Variants in FHIT observed in about 807,000 individuals in gnomAD.
FHIT encodes bis(5'-adenosyl)-triphosphatase.
FHIT carries 19 observed loss-of-function variants against 17.9 expected under a neutral mutation model. That is an observed-to-expected ratio of 1.06 (90% CI 0.74 to 1.56). The LOEUF (loss-of-function observed/expected upper bound fraction) is 1.56, where lower values mean the gene tolerates loss of function less well. Among genes scored for constraint, FHIT ranks in the 40% most tolerant of loss-of-function variants. The pLI, the probability that FHIT is intolerant of heterozygous loss-of-function variation, is 0.00. For missense variants in FHIT, 248 were observed against 189.2 expected (o/e 1.31, Z -1.82); for synonymous variants, 81 against 69.7 (o/e 1.16, Z -0.81).
chr3:60,246,587 G>A (rs190907678), intron 5 of FHIT, among the ~76,000 whole-genome samples: 2 of 152,218 alleles, frequency 1.3e-5, no homozygotes, highest in African/African-American at 2.4e-5. Context: ...ACACAGATCC[G>A]ACCTGCAGAA....
chr3:59,791,121 G>C (rs1393437855), intron 8 of FHIT, among the ~76,000 whole-genome samples: 1 of 152,130 alleles, frequency 6.6e-6, no homozygotes, highest in Non-Finnish European at 1.5e-5. Context: ...ACTCTTTCAT[G>C]TGGGTAATTA....
chr3:61,053,644 A>G (rs1462675500), intron 2 of FHIT, among the ~76,000 whole-genome samples: 1 of 146,820 alleles, frequency 6.8e-6, no homozygotes, highest in African/African-American at 2.4e-5. Flanking sequence ...CTGGGCAACA[A>G]GAGCAAAACT....
At chr3:60,238,610 A>G (rs1704942588) in intron 5 of FHIT, among the ~76,000 whole-genome samples, 1 of 152,164 alleles carries the variant, frequency 6.6e-6, no homozygotes, top group Admixed American at 6.5e-5. Context: ...TTTAAAGATT[A>G]CTGAATATGT....
At chr3:59,781,744 T>C (rs1702593649) in intron 8 of FHIT, among the ~76,000 whole-genome samples, 1 of 152,198 alleles carries the variant, frequency 6.6e-6, no homozygotes, top group South Asian at 2.1e-4. Context: ...AACCACGACA[T>C]TTTTTTATCT....
intron 3 of FHIT, among the ~76,000 whole-genome samples, chr3:60,942,262 C>T (rs1553774730): frequency 6.6e-6 from 1 of 152,032 alleles, no homozygotes; most frequent in Non-Finnish European, 1.5e-5. Flanking sequence ...ATGTTAGCAC[C>T]AGCATAATTA....
Position 59,990,256 on chromosome 3 carries a change from G to C in FHIT, c.279+21115C>G, listed in dbSNP as rs185640606. 1.0e-3 allele frequency among the ~76,000 whole-genome samples: 152 copies of C among 152,102 alleles called. 1 individual carries two copies. Among genetic ancestry groups the C allele is most frequent in the Non-Finnish European group, 1.8e-3 (125 of 67,958 alleles). ...CCAGTGAGATCTGTGTTTGCTCACAGGGCACTATTTGGCATGATGAGAGTG... is the reference window on the plus strand; with the variant it reads ...CCAGTGAGATCTGTGTTTGCTCACACGGCACTATTTGGCATGATGAGAGTG... On this transcript the variant is annotated intron_variant, in intron 7 of 9. Coordinates refer to ENST00000492590, the MANE Select transcript of FHIT (RefSeq NM_002012.4).
chr3:59,750,017 A>C (rs1178055235), intron 9 of FHIT: 4 of 223,296 alleles, frequency 1.8e-5, no homozygotes, highest in African/African-American at 8.9e-5. Flanking sequence ...TACACATGTT[A>C]GTTAACTTAA....
intron 5 of FHIT, among the ~76,000 whole-genome samples, chr3:60,027,673 T>C (rs1700808971): frequency 6.6e-6 from 1 of 151,078 alleles, no homozygotes; most frequent in South Asian, 2.1e-4. Flanking sequence ...GCGTTCTCCC[T>C]GAAAACGTAC....
At chr3:61,030,831 G>A (rs1448603195) in intron 3 of FHIT, among the ~76,000 whole-genome samples, 1 of 152,192 alleles carries the variant, frequency 6.6e-6, no homozygotes, top group Admixed American at 6.5e-5. Context: ...GGGGGCAGGG[G>A]GGTAGTTTCA....
Position 60,614,192 on chromosome 3 carries a change from C to T in FHIT, c.-17-77213G>A, listed in dbSNP as rs782409503. ...AGTGATGAACTATGCCTTTGTAACA[C>T]CTGACACAAAAGAAAAGAGGTATGC... On this transcript the variant is annotated intron_variant, in intron 4 of 9. Coordinates refer to ENST00000492590, the MANE Select transcript of FHIT (RefSeq NM_002012.4). 2.2e-4 allele frequency among the ~76,000 whole-genome samples: 33 copies of T among 152,134 alleles called. 1 individual carries two copies. The highest frequency in any genetic ancestry group is 1.7e-3 in the Admixed American group (26 of 15,282).
At chr3:60,941,689 G>A (rs1708413229) in intron 3 of FHIT, among the ~76,000 whole-genome samples, 1 of 152,108 alleles carries the variant, frequency 6.6e-6, no homozygotes, top group South Asian at 2.1e-4. Flanking sequence ...TACAAATCCT[G>A]ACCATATTCC....
chr3:59,875,081 G>A (rs940468515), intron 8 of FHIT, among the ~76,000 whole-genome samples: 1 of 152,200 alleles, frequency 6.6e-6, no homozygotes, highest in African/African-American at 2.4e-5. Flanking sequence ...GATAGGAGGT[G>A]CATCCAGTTT....
intron 9 of FHIT, 29 bp from the exon 10 acceptor site, chr3:59,749,608 C>T (rs1426168446): frequency 4.3e-6 from 1 of 230,998 alleles, no homozygotes; most frequent in African/African-American, 2.2e-5. Flanking sequence ...AAACAAAGGC[C>T]TTATGATTCT....
intron 8 of FHIT, among the ~76,000 whole-genome samples, chr3:59,901,392 A>C (rs146018489): frequency 0.01 from 1,551 of 152,306 alleles, 16 homozygotes; most frequent in Non-Finnish European, 0.018. Flanking sequence ...GAGGATTACG[A>C]GTTAAACATG....
intron 1 of FHIT, among the ~76,000 whole-genome samples, chr3:61,233,014 GA>G (rs1440496313): frequency 1.3e-5 from 2 of 152,208 alleles, no homozygotes; most frequent in Non-Finnish European, 2.9e-5. Flanking sequence ...TGGGTACAAA[GA>G]TGAGGGTATG....
At chr3:59,788,881 G>GTTTTTTTTTTTTTTGTTTT in intron 8 of FHIT, among the ~76,000 whole-genome samples, 2 of 86,804 alleles carry the variant, frequency 2.3e-5, no homozygotes, top group Non-Finnish European at 4.1e-5. Flanking sequence ...GAGTTCATAT[G>GTTTTTTTTTTTTTTGTTTT]TTTTTTTTTT....
At chr3:60,492,947 G>A (rs748223670) in intron 5 of FHIT, among the ~76,000 whole-genome samples, 38 of 151,998 alleles carry the variant, frequency 2.5e-4, no homozygotes, top group Admixed American at 6.6e-4. Flanking sequence ...ATCTTTATTT[G>A]CTCTGGGCGA....
intron 5 of FHIT, chr3:60,536,243 C>A (rs2035976094): frequency 6.6e-6 from 1 of 152,070 alleles, no homozygotes; most frequent in Admixed American, 6.6e-5. Flanking sequence ...ACTCAGTGGT[C>A]AGAGGGAAAT....
At chr3:59,931,225 A>G (rs996890927) in intron 7 of FHIT, among the ~76,000 whole-genome samples, 1 of 152,212 alleles carries the variant, frequency 6.6e-6, no homozygotes, top group Non-Finnish European at 1.5e-5. Context: ...CAGAAGGCTT[A>G]ATTCTACGGT....
Sources: allele counts gnomAD v4.1 joint callset (sites outside exome capture counted in the v4.1 genomes callset), GRCh38; gene constraint gnomAD v4.1.1; transcripts MANE v1.5; gene names NCBI Gene and HGNC (gene_info 2026-07-23, HGNC 2026-07-21).